G0S2: variants seen among roughly 807,000 people sequenced by gnomAD.
G0S2 encodes G0/G1 switch 2, also known as G0/G1 switch protein 2.
For synonymous variants in G0S2, 64 were observed against 66.0 expected (o/e 0.97, Z 0.15); for missense variants, 139 against 139.1 (o/e 1.00, Z 0.00).
At position 209,675,816 on chromosome 1, in the gene G0S2, G is replaced by A; in HGVS notation, c.132G>A (p.Glu44=). 6.2e-7 allele frequency: 1 copy of A among 1,602,064 alleles called. No homozygotes were observed. The highest frequency in any genetic ancestry group is 1.7e-5 in the Admixed American group (1 of 57,848). Reference sequence around the variant, plus strand: ...TCGGCGTGGTGCTCGGCCTGATGGAGACTGTGTGCAGCCCCTTCACGGCCG... The same window carrying A: ...TCGGCGTGGTGCTCGGCCTGATGGAAACTGTGTGCAGCCCCTTCACGGCCG... ...ALFGVVLGLM[E]TVCSPFTAAR... The change falls in exon 2 of 2, where the codon GAG becomes GAA. Residue 44 remains glutamate, a synonymous_variant. Transcript: ENST00000367029. The surrounding 1 kb of genome is among the most constrained non-coding windows in gnomAD (Gnocchi z 5.4).
Position 209,675,695 on chromosome 1 carries a change from T to C in G0S2, c.11T>C (p.Val4Ala). 1 of 1,590,052 alleles carries C rather than the reference T, an allele frequency of 6.3e-7. No individual in the cohort carries two copies. Among genetic ancestry groups the C allele is most frequent in the East Asian group, 2.3e-5 (1 of 43,702 alleles). Residue 4 changes from valine to alanine, a missense_variant, in exon 2 of 2, where the codon GTC becomes GCC. Coordinates refer to ENST00000367029, the MANE Select transcript of G0S2 (RefSeq NM_015714.4). This position sits in a 1 kb window ranked among gnomAD's most constrained non-coding sequence, Gnocchi z 5.4. METVQELIPLAKEM... is the reference protein window; with the variant it reads METAQELIPLAKEM... ...GAGCCCAGAGCCGAGATGGAAACGG[T>C]CCAGGAGCTGATCCCCCTGGCCAAG...
At position 209,675,740 on chromosome 1, in the gene G0S2, G is replaced by A. The variant is rs376545220; in HGVS notation, c.56G>A (p.Arg19His). 15 of 1,603,958 alleles carry A rather than the reference G, an allele frequency of 9.4e-6. No homozygotes were observed. The African/African-American group carries it at 1.7e-4, about 19-fold the overall frequency. The change falls in exon 2 of 2, where the codon CGC (arginine) becomes CAC (histidine). Residue 19 changes from arginine to histidine, a missense_variant. Physicochemically the swap from Arg to His is conservative, Grantham distance 29. Transcript: ENST00000367029. The surrounding 1 kb of genome is among the most constrained non-coding windows in gnomAD (Gnocchi z 5.4). Reference protein sequence around the residue: ...PLAKEMMAQKRKGKMVKLYVL... With the variant: ...PLAKEMMAQKHKGKMVKLYVL... The stretch of plus-strand genomic sequence containing the variant: ...GCCAAGGAGATGATGGCCCAGAAGC[G>A]CAAGGGGAAGATGGTGAAGCTGTAC...
In G0S2 at chr1:209,675,993, C is replaced by G. The variant is rs929394301; in HGVS notation, c.309C>G (p.Ser103=). 2.0e-6 allele frequency: 3 copies of G among 1,532,402 alleles called. No individual in the cohort carries two copies. The highest frequency in any genetic ancestry group is 4.6e-5 in the East Asian group (2 of 43,892). The allele number at this position is 1,532,402 out of a possible 1,614,324, so 94.9% of individuals were successfully genotyped here. The part of the protein sequence containing the change: ...GRALSNRQHA[S] ...CCCTGTCCAACCGGCAGCACGCCTCCTAGGAACTGTGGGAGACCAGCGGAG... is the reference window on the plus strand; with the variant it reads ...CCCTGTCCAACCGGCAGCACGCCTCGTAGGAACTGTGGGAGACCAGCGGAG... Residue 103 remains serine, a synonymous_variant, in exon 2 of 2, where the codon TCC becomes TCG. Transcript: ENST00000367029. This position sits in a 1 kb window ranked among gnomAD's most constrained non-coding sequence, Gnocchi z 5.4.
Position 209,675,611 on chromosome 1 carries a change from T to G in G0S2, c.-32-42T>G. On this transcript the variant is annotated intron_variant, in intron 1 of 1. Coordinates refer to ENST00000367029, the MANE Select transcript of G0S2 (RefSeq NM_015714.4). The surrounding 1 kb of genome is among the most constrained non-coding windows in gnomAD (Gnocchi z 5.4). ...CTGGGTGCGGGGTGGTGGGAGCCGT[T>G]CTTTGGTGGCTGAAGCCCCTCTCCT... The G allele has an allele frequency of 9.9e-7, 1 of 1,006,372 alleles. No individual in the cohort carries two copies. Among genetic ancestry groups the G allele is most frequent in the Non-Finnish European group, 1.5e-6 (1 of 662,118 alleles). The allele number at this position is 1,006,372 out of a possible 1,614,324, so 62.3% of individuals were successfully genotyped here. A position where few individuals can be genotyped will look rare whatever the true frequency, so the allele number is the denominator to read the frequency against.
At position 209,675,954 on chromosome 1, in the gene G0S2, C is replaced by T. The variant is rs1239344982; in HGVS notation, c.270C>T (p.Val90=). Residue 90 remains valine (V), a synonymous_variant, in exon 2 of 2, where the codon GTC becomes GTT. Transcript: ENST00000367029. This position sits in a 1 kb window ranked among gnomAD's most constrained non-coding sequence, Gnocchi z 5.4. ...AGAAAGGCAAGCAGCAGGACACGGT[C>T]CTCGGCGGCCGGGCCCTGTCCAACC... ...LQEKGKQQDT[V]LGGRALSNRQ... The T allele has an allele frequency of 3.8e-6, 6 of 1,565,792 alleles. No individual in the cohort carries two copies. The highest frequency in any genetic ancestry group is 5.2e-6 in the Non-Finnish European group (6 of 1,151,328).
chr1:209,676,069 C>CA lies in G0S2; in HGVS notation c.*74dup, dbSNP rs2076690463. ...ACAGACCGAGAGAGGAATGGAGAGA[C>CA]AGAGGGGGCGCGCGCACAGGAGCCT... On this transcript the variant is annotated 3_prime_UTR_variant, in exon 2 of 2. Transcript: ENST00000367029. The CA allele has an allele frequency of 2.2e-5, 26 of 1,200,412 alleles. No homozygotes were observed. In the South Asian group the frequency reaches 4.0e-4, roughly 18 times the overall value. The allele number at this position is 1,200,412 out of a possible 1,614,324, so 74.4% of individuals were successfully genotyped here. A position where few individuals can be genotyped will look rare whatever the true frequency, so the allele number is the denominator to read the frequency against.
chr1:209,675,764 A>ACGTGCTGGGCAG lies in G0S2; in HGVS notation c.89_100dup (p.Gly30_Leu33dup). On this transcript the variant is annotated inframe_insertion, in exon 2 of 2. Coordinates refer to ENST00000367029, the MANE Select transcript of G0S2 (RefSeq NM_015714.4). This position sits in a 1 kb window ranked among gnomAD's most constrained non-coding sequence, Gnocchi z 5.4. The stretch of plus-strand genomic sequence containing the variant: ...CGCAAGGGGAAGATGGTGAAGCTGT[A>ACGTGCTGGGCAG]CGTGCTGGGCAGCGTGCTGGCCCTC... The ACGTGCTGGGCAG allele has an allele frequency of 1.2e-6, 2 of 1,604,574 alleles. No homozygotes were observed. The highest frequency in any genetic ancestry group is 1.7e-5 in the Admixed American group (1 of 58,772).
rs2076691110 is a variant in G0S2, at chr1:209,676,205, T to G, written c.*209T>G. On this transcript the variant is annotated 3_prime_UTR_variant, in exon 2 of 2. Transcript: ENST00000367029. ...ACCACAAGCATCCACCAAAGGAGTT[T>G]GGGATTGAGTTTTGCTGCTGTGCAG... is the stretch of plus-strand genomic sequence containing the variant. The G allele has an allele frequency of 3.9e-6, 2 of 507,498 alleles. No homozygotes were observed. The highest frequency in any genetic ancestry group is 7.1e-6 in the Non-Finnish European group (2 of 280,338). 31.4% of individuals were successfully genotyped at this position (507,498 alleles called of 1,614,324 possible).
chr1:209,675,797 T>C lies in G0S2; in HGVS notation c.113T>C (p.Val38Ala). The C allele has an allele frequency of 6.2e-7, 1 of 1,602,256 alleles. No individual in the cohort carries two copies. Among genetic ancestry groups the C allele is most frequent in the South Asian group, 1.1e-5 (1 of 89,126 alleles). Residue 38 changes from valine to alanine, a missense_variant, in exon 2 of 2, where the codon GTG becomes GCG. Val to Ala is a moderately conservative substitution (Grantham distance 64). Transcript: ENST00000367029. The surrounding 1 kb of genome is among the most constrained non-coding windows in gnomAD (Gnocchi z 5.4). ...GGCAGCGTGCTGGCCCTCTTCGGCG[T>C]GGTGCTCGGCCTGATGGAGACTGTG... ...VLGSVLALFG[V>A]VLGLMETVCS...
Position 209,675,479 on chromosome 1 carries a change from C to T in G0S2, c.-103C>T, listed in dbSNP as rs1423722179. ...AGAGGAGGAGAACGCTGAGGTCGGT[C>T]GGACCAACGGACGCGCTGACCGCTG... is the stretch of plus-strand genomic sequence containing the variant. On this transcript the variant is annotated 5_prime_UTR_variant, in exon 1 of 2. Transcript: ENST00000367029. The surrounding 1 kb of genome is among the most constrained non-coding windows in gnomAD (Gnocchi z 5.4). 1.3e-4 allele frequency: 78 copies of T among 579,628 alleles called. No individual in the cohort carries two copies. Among genetic ancestry groups the T allele is most frequent in the Non-Finnish European group, 2.3e-4 (75 of 325,536 alleles). The allele number at this position is 579,628 out of a possible 1,614,324, so 35.9% of individuals were successfully genotyped here. A position where few individuals can be genotyped will look rare whatever the true frequency, so the allele number is the denominator to read the frequency against.
chr1:209,676,128 T>G lies in G0S2; in HGVS notation c.*132T>G. ...TGGGAGAGTGCAGGAGCACGTGCTGTTTTTTATTTGGACTTAACTTCAGAG... is the reference window on the plus strand; with the variant it reads ...TGGGAGAGTGCAGGAGCACGTGCTGGTTTTTATTTGGACTTAACTTCAGAG... On this transcript the variant is annotated 3_prime_UTR_variant, in exon 2 of 2. Coordinates refer to ENST00000367029, the MANE Select transcript of G0S2 (RefSeq NM_015714.4). The G allele has an allele frequency of 3.0e-6, 2 of 665,726 alleles. No individual in the cohort carries two copies. The highest frequency in any genetic ancestry group is 5.0e-6 in the Non-Finnish European group (2 of 400,188). The allele number at this position is 665,726 out of a possible 1,614,324, so 41.2% of individuals were successfully genotyped here. A position where few individuals can be genotyped will look rare whatever the true frequency, so the allele number is the denominator to read the frequency against.
chr1:209,675,739 C>T lies in G0S2; in HGVS notation c.55C>T (p.Arg19Cys), dbSNP rs1008832034. ...PLAKEMMAQKRKGKMVKLYVL... is the reference protein window; with the variant it reads ...PLAKEMMAQKCKGKMVKLYVL... ...GGCCAAGGAGATGATGGCCCAGAAGCGCAAGGGGAAGATGGTGAAGCTGTA... is the reference window on the plus strand; with the variant it reads ...GGCCAAGGAGATGATGGCCCAGAAGTGCAAGGGGAAGATGGTGAAGCTGTA... The change falls in exon 2 of 2, where the codon CGC becomes TGC. Residue 19 changes from arginine to cysteine, a missense_variant. Physicochemically the swap from Arg to Cys is radical, Grantham distance 180. Coordinates refer to ENST00000367029, the MANE Select transcript of G0S2 (RefSeq NM_015714.4). This position sits in a 1 kb window ranked among gnomAD's most constrained non-coding sequence, Gnocchi z 5.4. The T allele has an allele frequency of 6.2e-7, 1 of 1,604,398 alleles. No individual in the cohort carries two copies. Among genetic ancestry groups the T allele is most frequent in the Admixed American group, 1.7e-5 (1 of 58,862 alleles).
At position 209,675,750 on chromosome 1, in the gene G0S2, G is replaced by A. The variant is rs1471269786; in HGVS notation, c.66G>A (p.Lys22=). Residue 22 remains lysine, a synonymous_variant, in exon 2 of 2, where the codon AAG becomes AAA. Coordinates refer to ENST00000367029, the MANE Select transcript of G0S2 (RefSeq NM_015714.4). This position sits in a 1 kb window ranked among gnomAD's most constrained non-coding sequence, Gnocchi z 5.4. The part of the protein sequence containing the change: ...KEMMAQKRKG[K]MVKLYVLGSV... ...TGATGGCCCAGAAGCGCAAGGGGAA[G>A]ATGGTGAAGCTGTACGTGCTGGGCA... 6.2e-7 allele frequency: 1 copy of A among 1,604,902 alleles called. No homozygotes were observed. Among genetic ancestry groups the A allele is most frequent in the Admixed American group, 1.7e-5 (1 of 58,872 alleles).
At position 209,676,005 on chromosome 1, in the gene G0S2, G is replaced by C; in HGVS notation, c.*9G>C. 6.6e-7 allele frequency: 1 copy of C among 1,515,746 alleles called. No homozygotes were observed. The highest frequency in any genetic ancestry group is 2.3e-5 in the East Asian group (1 of 43,684). 93.9% of individuals were successfully genotyped at this position (1,515,746 alleles called of 1,614,324 possible). On this transcript the variant is annotated 3_prime_UTR_variant, in exon 2 of 2. Coordinates refer to ENST00000367029, the MANE Select transcript of G0S2 (RefSeq NM_015714.4). ...GGCAGCACGCCTCCTAGGAACTGTG[G>C]GAGACCAGCGGAGTGGGAGGGAGAC... is the stretch of plus-strand genomic sequence containing the variant.
Position 209,676,276 on chromosome 1 carries a change from T to A in G0S2, c.*280T>A, listed in dbSNP as rs1054351376. 3.8e-5 allele frequency: 15 copies of A among 398,994 alleles called. No homozygotes were observed. The highest frequency in any genetic ancestry group is 6.6e-4 in the Middle Eastern group (1 of 1,522). The allele number at this position is 398,994 out of a possible 1,614,324, so 24.7% of individuals were successfully genotyped here. On this transcript the variant is annotated 3_prime_UTR_variant, in exon 2 of 2. Coordinates refer to ENST00000367029, the MANE Select transcript of G0S2 (RefSeq NM_015714.4). ...TCCAACACTGTGTGAATTATCTAAA[T>A]GCGTCTACCATTTTGCACTAGGGAG...
In G0S2 at chr1:209,675,871, G is replaced by A. The variant is rs150720329; in HGVS notation, c.187G>A (p.Val63Met). The A allele has an allele frequency of 3.1e-6, 5 of 1,600,534 alleles. No homozygotes were observed. In the African/African-American group the frequency reaches 4.0e-5, roughly 13 times the overall value. Residue 63 changes from valine (V) to methionine (M), a missense_variant, in exon 2 of 2, where the codon GTG becomes ATG. By Grantham distance (21) the Val-to-Met change is conservative. Transcript: ENST00000367029. This position sits in a 1 kb window ranked among gnomAD's most constrained non-coding sequence, Gnocchi z 5.4. ...ARRLRDQEAA[V>M]AELQAALERQ... is the part of the protein sequence containing the mutation. ...ACGTCTGCGGGACCAGGAGGCAGCC[G>A]TGGCGGAGCTGCAGGCCGCCCTGGA... is the stretch of plus-strand genomic sequence containing the variant.
chr1:209,675,888 C>T lies in G0S2; in HGVS notation c.204C>T (p.Ala68=), dbSNP rs753220688. 25 of 1,602,814 alleles carry T rather than the reference C, an allele frequency of 1.6e-5. No individual in the cohort carries two copies. Among genetic ancestry groups the T allele is most frequent in the South Asian group, 3.3e-5 (3 of 89,616 alleles). ...AGGCAGCCGTGGCGGAGCTGCAGGC[C>T]GCCCTGGAGCGACAGGCTCTCCAGA... ...DQEAAVAELQ[A]ALERQALQKQ... is the part of the protein sequence containing the mutation. The change falls in exon 2 of 2, where the codon GCC becomes GCT. Residue 68 remains alanine, a synonymous_variant. Transcript: ENST00000367029. The surrounding 1 kb of genome is among the most constrained non-coding windows in gnomAD (Gnocchi z 5.4).
At position 209,675,966 on chromosome 1, in the gene G0S2, G is replaced by A. The variant is rs759727145; in HGVS notation, c.282G>A (p.Arg94=). ...GKQQDTVLGG[R]ALSNRQHAS ...AGCAGGACACGGTCCTCGGCGGCCG[G>A]GCCCTGTCCAACCGGCAGCACGCCT... is the stretch of plus-strand genomic sequence containing the variant. The change falls in exon 2 of 2, where the codon CGG becomes CGA. Residue 94 remains arginine, a synonymous_variant. Transcript: ENST00000367029. The surrounding 1 kb of genome is among the most constrained non-coding windows in gnomAD (Gnocchi z 5.4). 3.2e-5 allele frequency: 50 copies of A among 1,552,152 alleles called. No homozygotes were observed. Among genetic ancestry groups the A allele is most frequent in the South Asian group, 8.4e-5 (7 of 83,594 alleles).
rs1421556979 is a variant in G0S2 at position 209,675,747 on chromosome 1, G to A, written c.63G>A (p.Gly21=). 1.5e-5 allele frequency: 24 copies of A among 1,604,344 alleles called. No homozygotes were observed. Among genetic ancestry groups the A allele is most frequent in the Non-Finnish European group, 2.0e-5 (23 of 1,175,156 alleles). ...AGATGATGGCCCAGAAGCGCAAGGG[G>A]AAGATGGTGAAGCTGTACGTGCTGG... ...AKEMMAQKRK[G]KMVKLYVLGS... The change falls in exon 2 of 2, where the codon GGG becomes GGA. Residue 21 remains glycine, a synonymous_variant. Coordinates refer to ENST00000367029, the MANE Select transcript of G0S2 (RefSeq NM_015714.4). This position sits in a 1 kb window ranked among gnomAD's most constrained non-coding sequence, Gnocchi z 5.4.
Sources: gnomAD v4.1 joint callset for allele counts on GRCh38, gnomAD v4.1.1 for gene constraint, Gnocchi (gnomAD v3.1) non-coding constraint, MANE v1.5 for transcripts, NCBI Gene and HGNC (gene_info 2026-07-23, HGNC 2026-07-21) for gene names.